KCND2: variants seen among roughly 807,000 people sequenced by gnomAD.
KCND2 encodes A-type voltage-gated potassium channel KCND2.
Under a neutral mutation model 54.4 loss-of-function variants are expected in KCND2, and 16 were observed. The ratio of observed to expected loss-of-function variants is 0.29; its 90% CI spans 0.20 to 0.45. The LOEUF (loss-of-function observed/expected upper bound fraction) is 0.45, where lower values mean the gene tolerates loss of function less well. KCND2 is among the 20% of genes least tolerant of loss of function. The pLI is 1.00. For missense variants in KCND2, 486 were observed against 824.2 expected (o/e 0.59, Z 5.02); for synonymous variants, 317 against 310.7 (o/e 1.02, Z -0.21).
chr7:120,294,228 A>G (rs1799476530), intron 1 of KCND2, among the ~76,000 whole-genome samples: 2 of 151,998 alleles, frequency 1.3e-5, no homozygotes, highest in Admixed American at 6.6e-5. Flanking sequence ...TTGAAATAAT[A>G]CATGACTGGT....
At chr7:120,336,134 C>A (rs751941464) in intron 1 of KCND2, among the ~76,000 whole-genome samples, 1 of 152,008 alleles carries the variant, frequency 6.6e-6, no homozygotes, top group Non-Finnish European at 1.5e-5. Context: ...AGGAATTAGT[C>A]GGAAGTAACC....
chr7:120,278,980 C>T (rs559847480), intron 1 of KCND2, among the ~76,000 whole-genome samples: 8 of 151,890 alleles, frequency 5.3e-5, no homozygotes, highest in African/African-American at 1.7e-4. Context: ...CCACCCGGCT[C>T]CCCTTTCCAT....
intron 1 of KCND2, among the ~76,000 whole-genome samples, chr7:120,541,843 A>G (rs1791983475): frequency 6.6e-6 from 1 of 152,190 alleles, no homozygotes; most frequent in Non-Finnish European, 1.5e-5. Flanking sequence ...ATAAATTTGT[A>G]GACACCCAGG....
intron 1 of KCND2, among the ~76,000 whole-genome samples, chr7:120,551,908 T>A (rs1007673240): frequency 1.3e-5 from 2 of 152,164 alleles, no homozygotes; most frequent in Admixed American, 6.5e-5. Context: ...TATAGCACTT[T>A]CTGGAGGTCA....
At chr7:120,461,013 T>C (rs1340928307) in intron 1 of KCND2, among the ~76,000 whole-genome samples, 1 of 152,190 alleles carries the variant, frequency 6.6e-6, no homozygotes, top group East Asian at 1.9e-4. Context: ...TGCTTTATTG[T>C]TAAACCTCTG....
intron 1 of KCND2, among the ~76,000 whole-genome samples, chr7:120,486,389 A>G (rs957384231): frequency 2.0e-5 from 3 of 152,108 alleles, no homozygotes; most frequent in Non-Finnish European, 2.9e-5. Context: ...CATGCTGCCA[A>G]ACCTTAGAAA....
chr7:120,383,936 C>T (rs1800951517), intron 1 of KCND2, among the ~76,000 whole-genome samples: 1 of 152,066 alleles, frequency 6.6e-6, no homozygotes. Context: ...TAAATTACAT[C>T]TGGCAAATGT....
At chr7:120,535,584 G>A (rs1374208642) in intron 1 of KCND2, among the ~76,000 whole-genome samples, 1 of 152,136 alleles carries the variant, frequency 6.6e-6, no homozygotes. Context: ...GTTCCCAGAA[G>A]CCTGCCTCCC....
At chr7:120,555,744 G>C (rs991810327) in intron 1 of KCND2, among the ~76,000 whole-genome samples, 2 of 152,166 alleles carry the variant, frequency 1.3e-5, no homozygotes, top group African/African-American at 4.8e-5. Context: ...ATTTAAGTCA[G>C]ATTAAGTTTC....
intron 1 of KCND2, among the ~76,000 whole-genome samples, chr7:120,654,878 G>A (rs2189976): frequency 0.39 from 58,547 of 151,882 alleles, 13,269 homozygotes; most frequent in African/African-American, 0.62. Context: ...TAAATAAGCT[G>A]TCCCTAAAAG....
chr7:120,716,200 C>T (rs763085551), intron 1 of KCND2, among the ~76,000 whole-genome samples: 89 of 152,016 alleles, frequency 5.9e-4, no homozygotes, highest in Non-Finnish European at 1.1e-3. Context: ...CATTTTATTC[C>T]TTCTAAACTG....
At chr7:120,549,832 C>A (rs560765666) in intron 1 of KCND2, among the ~76,000 whole-genome samples, 1 of 152,190 alleles carries the variant, frequency 6.6e-6, no homozygotes, top group Middle Eastern at 3.4e-3. Context: ...TCTTAGTATG[C>A]TTTTTTGTGT....
At chr7:120,696,406 G>A (rs1792333065) in intron 1 of KCND2, among the ~76,000 whole-genome samples, 1 of 152,138 alleles carries the variant, frequency 6.6e-6, no homozygotes, top group Admixed American at 6.6e-5. Flanking sequence ...GTATTCTTTT[G>A]ATGGAAGTAT....
At chr7:120,523,855 A>G (rs958470528) in intron 1 of KCND2, among the ~76,000 whole-genome samples, 1 of 151,336 alleles carries the variant, frequency 6.6e-6, no homozygotes, top group Admixed American at 6.6e-5. Flanking sequence ...AGTAAAATGT[A>G]AAAAAGTATA....
intron 1 of KCND2, among the ~76,000 whole-genome samples, chr7:120,579,770 A>T (rs986218556): frequency 5.9e-5 from 9 of 152,148 alleles, no homozygotes; most frequent in Non-Finnish European, 1.2e-4. Flanking sequence ...TCCATTTTTT[A>T]AAATAGTAAA....
chr7:120,335,501 TTATTAGAC>T (rs1202667699), intron 1 of KCND2, among the ~76,000 whole-genome samples: 1 of 148,466 alleles, frequency 6.7e-6, no homozygotes, highest in African/African-American at 2.5e-5. Flanking sequence ...ATTTATTTAT[TTATTAGAC>T]AGAGTCTCGC....
chr7:120,283,361 G>C (rs1476460735), intron 1 of KCND2, among the ~76,000 whole-genome samples: 1 of 152,082 alleles, frequency 6.6e-6, no homozygotes, highest in Non-Finnish European at 1.5e-5. Flanking sequence ...GAGCATGGTA[G>C]GGATAGGATA....
chr7:120,600,988 T>C (rs1201964937), intron 1 of KCND2, among the ~76,000 whole-genome samples: 2 of 152,108 alleles, frequency 1.3e-5, no homozygotes, highest in African/African-American at 4.8e-5. Flanking sequence ...TATTTGTATA[T>C]TTTCCTTAGG....
chr7:120,397,215 T>C (rs1801167772), intron 1 of KCND2, among the ~76,000 whole-genome samples: 1 of 152,050 alleles, frequency 6.6e-6, no homozygotes, highest in African/African-American at 2.4e-5. Context: ...TCAAGTTCAG[T>C]TTGGTGTCTT....
Sources: allele counts gnomAD v4.1 joint callset (sites outside exome capture counted in the v4.1 genomes callset), GRCh38; gene constraint gnomAD v4.1.1; transcripts MANE v1.5; gene names NCBI Gene and HGNC (gene_info 2026-07-23, HGNC 2026-07-21).